Variants in ENAH observed in about 807,000 individuals in gnomAD.
ENAH encodes the protein protein enabled homolog.
In ENAH, 23 loss-of-function variants were observed where a neutral mutation model predicts 78.7. The ratio of observed to expected loss-of-function variants is 0.29; its 90% confidence interval spans 0.21 to 0.41. ENAH has a LOEUF of 0.41. ENAH is among the 10% of genes least tolerant of loss of function. The pLI is 1.00. For missense variants in ENAH, 544 were observed against 691.0 expected, an observed-to-expected ratio of 0.79 and a Z score of 2.39; for synonymous variants, 226 against 241.0, an observed-to-expected ratio of 0.94 and a Z score of 0.58.
chr1:225,587,779 T>C (rs546827114), intron 1 of ENAH, among the ~76,000 whole-genome samples: 48 of 152,294 alleles, frequency 3.2e-4, no homozygotes, highest in African/African-American at 1.0e-3. Flanking sequence ...TAAGAGGGTA[T>C]GGTAGTGGCC....
At chr1:225,602,761 AAAAG>A (rs1337221999) in intron 1 of ENAH, among the ~76,000 whole-genome samples, 19 of 152,236 alleles carry the variant, frequency 1.2e-4, no homozygotes, top group African/African-American at 3.6e-4. Flanking sequence ...GTAACATTTG[AAAAG>A]AAAGAGAGAA....
intron 1 of ENAH, among the ~76,000 whole-genome samples, chr1:225,614,909 A>G (rs928444839): frequency 6.6e-6 from 1 of 152,030 alleles, no homozygotes; most frequent in African/African-American, 2.4e-5. Context: ...TCCAACACCA[A>G]TCCTACCTCT....
intron 1 of ENAH, among the ~76,000 whole-genome samples, chr1:225,610,284 C>A (rs7415548): frequency 6.6e-6 from 1 of 151,632 alleles, no homozygotes; most frequent in African/African-American, 2.4e-5. Flanking sequence ...ATAATATGTA[C>A]GCATTATTTT....
At chr1:225,591,867 C>T (rs2096878956) in intron 1 of ENAH, among the ~76,000 whole-genome samples, 2 of 150,580 alleles carry the variant, frequency 1.3e-5, no homozygotes, top group African/African-American at 4.9e-5. Context: ...TCTTTAGAAG[C>T]ACCAGAGCAT....
intron 1 of ENAH, among the ~76,000 whole-genome samples, chr1:225,621,648 C>G (rs746065925): frequency 2.0e-5 from 3 of 152,150 alleles, no homozygotes; most frequent in Non-Finnish European, 4.4e-5. Flanking sequence ...CATAATGGCC[C>G]AGTCACTCAA....
intron 1 of ENAH, among the ~76,000 whole-genome samples, chr1:225,630,744 A>T (rs1406379461): frequency 6.6e-6 from 1 of 152,192 alleles, no homozygotes; most frequent in Non-Finnish European, 1.5e-5. Context: ...TTATCAATAA[A>T]AGGGTTTTTT....
chr1:225,555,549 T>A (rs2096662186), intron 2 of ENAH, among the ~76,000 whole-genome samples: 1 of 150,290 alleles, frequency 6.7e-6, no homozygotes, highest in African/African-American at 2.5e-5. Flanking sequence ...ACCACTGCAC[T>A]CCAGCCTGGG....
Position 225,512,698 on chromosome 1 carries a change from T to C in ENAH, c.1381A>G (p.Lys461Glu). Reference sequence around the variant, plus strand: ...TGTTCTGTTTCTATTGTTGATCCCTTTTCAGCAATTCTTCTCCTACAAAGA... The same window carrying C: ...TGTTCTGTTTCTATTGTTGATCCCTCTTCAGCAATTCTTCTCCTACAAAGA... The part of the protein sequence containing the change: ...LLARRRRIAE[K>E]GSTIETEQKE... The change falls in exon 9 of 14, where the codon AAG becomes GAG. Residue 461 changes from lysine to glutamate, a missense_variant. By Grantham distance (56) the Lys-to-Glu change is moderately conservative. Transcript: ENST00000366843. 1 of 1,613,852 alleles carries C rather than the reference T, an allele frequency of 6.2e-7. No homozygotes were observed. Among genetic ancestry groups the C allele is most frequent in the Non-Finnish European group, 8.5e-7 (1 of 1,179,916 alleles).
chr1:225,526,101 A>G (rs2096502270), intron 4 of ENAH, among the ~76,000 whole-genome samples: 1 of 152,132 alleles, frequency 6.6e-6, no homozygotes, highest in South Asian at 2.1e-4. Context: ...GATCTAGACG[A>G]TCAATGAGTT....
At chr1:225,541,780 C>T (rs1470768263) in intron 3 of ENAH, among the ~76,000 whole-genome samples, 1 of 152,216 alleles carries the variant, frequency 6.6e-6, no homozygotes, top group Non-Finnish European at 1.5e-5. Context: ...ACTTTATCAT[C>T]AGAAGAACTT....
At chr1:225,518,032 A>T in intron 5 of ENAH, 1 of 1,494,870 alleles carries the variant, frequency 6.7e-7, no homozygotes. Context: ...ACAGGATAAA[A>T]AAGGAGAGAG....
chr1:225,530,162 T>C (rs1252002707), intron 4 of ENAH, among the ~76,000 whole-genome samples: 1 of 152,232 alleles, frequency 6.6e-6, no homozygotes, highest in African/African-American at 2.4e-5. Flanking sequence ...AAGATCAATG[T>C]GTTACAGAAA....
chr1:225,631,956 T>C (rs1659164468), intron 1 of ENAH, among the ~76,000 whole-genome samples: 1 of 148,414 alleles, frequency 6.7e-6, no homozygotes, highest in Non-Finnish European at 1.5e-5. Flanking sequence ...GTTTTTCTCC[T>C]ACTCACAATT....
chr1:225,512,271 C>A (rs2096383246), intron 9 of ENAH, among the ~76,000 whole-genome samples: 2 of 152,176 alleles, frequency 1.3e-5, no homozygotes, highest in African/African-American at 2.4e-5. Flanking sequence ...AGGGGCACAG[C>A]CAATAACCAT....
intron 4 of ENAH, among the ~76,000 whole-genome samples, chr1:225,521,691 G>A (rs978827877): frequency 1.5e-4 from 22 of 150,490 alleles, no homozygotes; most frequent in Non-Finnish European, 2.7e-4. Flanking sequence ...GTATTTCATA[G>A]CACTGTGGGG....
intron 3 of ENAH, among the ~76,000 whole-genome samples, chr1:225,546,733 A>T (rs927729974): frequency 6.6e-6 from 1 of 152,180 alleles, no homozygotes; most frequent in African/African-American, 2.4e-5. Context: ...AAACCCTTTT[A>T]TACTGTAATT....
intron 1 of ENAH, among the ~76,000 whole-genome samples, chr1:225,569,102 C>A (rs2151522261): frequency 6.6e-6 from 1 of 152,266 alleles, no homozygotes; most frequent in African/African-American, 2.4e-5. Flanking sequence ...AAATATTTTG[C>A]ATGTGATGAC....
chr1:225,590,184 T>TA (rs1313905747), intron 1 of ENAH, among the ~76,000 whole-genome samples: 17 of 150,918 alleles, frequency 1.1e-4, no homozygotes, highest in Admixed American at 1.1e-3. Flanking sequence ...TAATACCTGT[T>TA]AAAAAGTGCC....
chr1:225,526,962 T>C (rs1020059799), intron 4 of ENAH, among the ~76,000 whole-genome samples: 1 of 152,212 alleles, frequency 6.6e-6, no homozygotes, highest in African/African-American at 2.4e-5. Flanking sequence ...TAAATGAGCT[T>C]CACTGGCAAG....
Sources: gnomAD v4.1 joint callset for allele counts (sites outside exome capture counted in the v4.1 genomes callset) on GRCh38, gnomAD v4.1.1 for gene constraint, MANE v1.5 for transcripts, NCBI Gene and HGNC (gene_info 2026-07-23, HGNC 2026-07-21) for gene names.